The following DDC variants were observed in gnomAD, a reference collection of about 807,000 sequenced individuals.
The protein encoded by DDC is dopa decarboxylase.
A neutral mutation model predicts 60.0 loss-of-function variants in DDC; 43 were observed. That is an observed-to-expected ratio of 0.72 (90% CI 0.56 to 0.92). DDC has a LOEUF of 0.92. Ranked by LOEUF, DDC falls within the 40% of genes least tolerant of loss-of-function variation. DDC has a pLI of 0.00. For missense variants in DDC, 573 were observed against 620.2 expected (o/e 0.92, Z 0.81); for synonymous variants, 232 against 234.6 (o/e 0.99, Z 0.10).
intron 11 of DDC, among the ~76,000 whole-genome samples, chr7:50,475,406 C>T (rs1011365277): frequency 6.6e-6 from 1 of 152,192 alleles, no homozygotes; most frequent in Non-Finnish European, 1.5e-5. Context: ...TGGCCTTTCT[C>T]CCTGGGTGTA....
intron 11 of DDC, 55 bp from the exon 12 acceptor site, chr7:50,470,226 C>T (rs2042498967): frequency 3.8e-6 from 5 of 1,331,338 alleles, no homozygotes. Context: ...AAGCTGGCTT[C>T]CTTTTCGGCT....
chr7:50,528,242 T>C lies in DDC; in HGVS notation c.609A>G (p.Gly203=). ...SSVERAGLIG[G]VKLKAIPSDG... ...CTGAGGGGATGGCTTTTAATTTCAC[T>C]CCACCAATTAACCCAGCTCTTTCCA... The change falls in exon 6 of 15, where the codon GGA becomes GGG. Residue 203 remains glycine (G), a synonymous_variant. Coordinates refer to ENST00000444124, the MANE Select transcript of DDC (RefSeq NM_001082971.2). The C allele has an allele frequency of 3.1e-6, 5 of 1,614,086 alleles. No homozygotes were observed. The highest frequency in any genetic ancestry group is 4.2e-6 in the Non-Finnish European group (5 of 1,180,002).
chr7:50,524,536 C>T (rs1350801791), intron 6 of DDC, among the ~76,000 whole-genome samples: 14 of 152,012 alleles, frequency 9.2e-5, no homozygotes, highest in East Asian at 1.9e-4. Context: ...ATGTCATTGA[C>T]GAGGACATAT....
chr7:50,510,823 T>C lies in DDC; in HGVS notation c.715-6764A>G, dbSNP rs552852656. On this transcript the variant is annotated intron_variant, in intron 6 of 14. Coordinates refer to ENST00000444124, the MANE Select transcript of DDC (RefSeq NM_001082971.2). ...GGTAAAACCCCGTCTCTACTAAAAATACAAAAAATTAGCTGGGCGCGGTGG... is the reference window on the plus strand; with the variant it reads ...GGTAAAACCCCGTCTCTACTAAAAACACAAAAAATTAGCTGGGCGCGGTGG... Among the ~76,000 whole-genome samples the C allele has an allele frequency of 2.7e-5, 4 of 150,734 alleles. No homozygotes were observed. The East Asian group carries it at 7.9e-4, about 30-fold the overall frequency.
At chr7:50,502,485 C>T (rs961796792) in intron 7 of DDC, among the ~76,000 whole-genome samples, 1 of 152,248 alleles carries the variant, frequency 6.6e-6, no homozygotes, top group Non-Finnish European at 1.5e-5. Flanking sequence ...AGTTCTTAGC[C>T]TGACATCTGA....
intron 1 of DDC, among the ~76,000 whole-genome samples, chr7:50,563,589 T>C (rs190106788): frequency 7.4e-4 from 113 of 152,266 alleles, no homozygotes; most frequent in African/African-American, 2.6e-3. Flanking sequence ...AAAACTTTCA[T>C]AATTTTATTT....
At chr7:50,562,481 C>T (rs2045364050) in intron 1 of DDC, among the ~76,000 whole-genome samples, 1 of 152,238 alleles carries the variant, frequency 6.6e-6, no homozygotes, top group South Asian at 2.1e-4. Context: ...GAGGCAGGCC[C>T]CAGCCGTGAG....
rs1447628518 is a variant in DDC, at chr7:50,500,534, T to C, written c.782-1292A>G. 3.3e-5 allele frequency among the ~76,000 whole-genome samples: 5 copies of C among 152,174 alleles called. No homozygotes were observed. In the South Asian group the frequency reaches 1.0e-3, roughly 32 times the overall value. ...GGACATCCCATGATTACTGAGTGAC[T>C]CCTCAGGGAGAAACTCTGCAAATCC... is the stretch of plus-strand genomic sequence containing the variant. On this transcript the variant is annotated intron_variant, in intron 7 of 14. Coordinates refer to ENST00000444124, the MANE Select transcript of DDC (RefSeq NM_001082971.2).
chr7:50,506,125 C>T (rs1379175037), intron 6 of DDC, among the ~76,000 whole-genome samples: 1 of 152,076 alleles, frequency 6.6e-6, no homozygotes, highest in Non-Finnish European at 1.5e-5. Context: ...TCAGTGGGCT[C>T]TGGGGTCGCA....
intron 9 of DDC, among the ~76,000 whole-genome samples, chr7:50,489,505 C>T (rs1436610694): frequency 6.6e-6 from 1 of 152,184 alleles, no homozygotes; most frequent in Non-Finnish European, 1.5e-5. Flanking sequence ...ACTTTGACTC[C>T]TGGGTCTAAA....
intron 2 of DDC, 76 bp from the exon 3 acceptor site, chr7:50,540,104 C>T: frequency 8.8e-7 from 1 of 1,139,202 alleles, no homozygotes. Context: ...CCAGGTACCC[C>T]CATGGCTCCC....
intron 14 of DDC, among the ~76,000 whole-genome samples, chr7:50,462,397 G>A (rs1243852092): frequency 6.6e-6 from 1 of 152,138 alleles, no homozygotes; most frequent in Non-Finnish European, 1.5e-5. Context: ...TTTAAAATGT[G>A]TGCTTTGTTT....
intron 8 of DDC, among the ~76,000 whole-genome samples, chr7:50,496,978 C>A (rs1024993754): frequency 6.6e-6 from 1 of 152,164 alleles, no homozygotes; most frequent in Non-Finnish European, 1.5e-5. Flanking sequence ...CAGGAAATTA[C>A]AGCAAGTTTC....
chr7:50,498,015 G>C (rs2043162890), intron 8 of DDC, among the ~76,000 whole-genome samples: 2 of 152,086 alleles, frequency 1.3e-5, no homozygotes, highest in Admixed American at 1.3e-4. Flanking sequence ...AGCTGTCAAG[G>C]GAAAGTTTTT....
chr7:50,519,413 G>C (rs764023116), intron 6 of DDC, among the ~76,000 whole-genome samples: 4 of 152,104 alleles, frequency 2.6e-5, no homozygotes, highest in Non-Finnish European at 4.4e-5. Context: ...AGGAAAATAA[G>C]TCATTATTAG....
chr7:50,491,669 A>C (rs2043000224), intron 9 of DDC, among the ~76,000 whole-genome samples: 1 of 152,210 alleles, frequency 6.6e-6, no homozygotes, highest in African/African-American at 2.4e-5. Flanking sequence ...AAGGTTAAAT[A>C]TCTCTACAGG....
intron 4 of DDC, among the ~76,000 whole-genome samples, chr7:50,533,366 G>A (rs2044282275): frequency 6.6e-6 from 1 of 151,156 alleles, no homozygotes; most frequent in Admixed American, 6.6e-5. Flanking sequence ...CATGATCTCA[G>A]CTCACCTCAA....
rs539762148 is a variant in DDC at position 50,529,213 on chromosome 7, C to T, written c.565G>A (p.Asp189Asn). 6 of 1,613,138 alleles carry T rather than the reference C, an allele frequency of 3.7e-6. No homozygotes were observed. Among genetic ancestry groups the T allele is most frequent in the South Asian group, 2.2e-5 (2 of 91,020 alleles). The stretch of plus-strand genomic sequence containing the variant: ...TACCCCCACAACACACTCACCTGAT[C>T]GGATGAGTAAGCCACCAGCTTCTCC... ...IMEKLVAYSS[D>N]QAHSSVERAG... Residue 189 changes from aspartate to asparagine, a missense_variant, in exon 5 of 15, where the codon GAT (aspartate) becomes AAT (asparagine). Coordinates refer to ENST00000444124, the MANE Select transcript of DDC (RefSeq NM_001082971.2).
At chr7:50,506,996 A>C (rs2043416480) in intron 6 of DDC, among the ~76,000 whole-genome samples, 1 of 152,234 alleles carries the variant, frequency 6.6e-6, no homozygotes, top group South Asian at 2.1e-4. Flanking sequence ...TTGACATATA[A>C]TTGAATGTTA....
Sources: allele counts gnomAD v4.1 joint callset (sites outside exome capture counted in the v4.1 genomes callset), GRCh38; gene constraint gnomAD v4.1.1; transcripts MANE v1.5; gene names NCBI Gene and HGNC (gene_info 2026-07-23, HGNC 2026-07-21).